The following KLF13 variants were observed in gnomAD, a reference collection of about 807,000 sequenced individuals.
KLF13 encodes Krueppel-like factor 13.
KLF13 carries 8 observed loss-of-function variants against 16.7 expected under a neutral mutation model. The observed-to-expected ratio is 0.48, with a 90% CI of 0.28 to 0.87. The LOEUF (loss-of-function observed/expected upper bound fraction) is 0.87. KLF13 is among the 40% of genes least tolerant of loss of function. The pLI, the probability that KLF13 is intolerant of heterozygous loss-of-function variation, is 0.10. For missense variants in KLF13, 447 were observed against 452.2 expected, an observed-to-expected ratio of 0.99 and a Z score of 0.10; for synonymous variants, 245 against 208.4, an observed-to-expected ratio of 1.18 and a Z score of -1.51.
rs2039591780 is a variant in KLF13, at chr15:31,373,571, T to G, written c.*1272T>G. On this transcript the variant is annotated 3_prime_UTR_variant, in exon 2 of 2. Transcript: ENST00000307145. ...ACTCCTCCTCCCTTTTCCTCCTGCT[T>G]CTCCTTGTCCTGCCTGGAGGCTCCA... The G allele has an allele frequency of 6.6e-6, 1 of 152,258 alleles. No homozygotes were observed. Among genetic ancestry groups the G allele is most frequent in the Non-Finnish European group, 1.5e-5 (1 of 68,102 alleles). 9.4% of individuals were successfully genotyped at this position (152,258 alleles called of 1,614,324 possible). A position where few individuals can be genotyped will look rare whatever the true frequency, so the allele number is the denominator to read the frequency against.
chr15:31,380,679 C>T (rs1022727549), downstream of KLF13, among the ~76,000 whole-genome samples: 1 of 152,194 alleles, frequency 6.6e-6, no homozygotes, highest in African/African-American at 2.4e-5. Context: ...CTAGGCCATG[C>T]TAAAATTCCT....
chr15:31,361,229 C>G lies in KLF13; in HGVS notation c.578-10781C>G, dbSNP rs557031934. 8.7e-4 allele frequency among the ~76,000 whole-genome samples: 133 copies of G among 152,244 alleles called. 1 individual carries two copies. Among genetic ancestry groups the G allele is most frequent in the African/African-American group, 3.1e-3 (130 of 41,538 alleles). ...TGGGTGGGTGCCCCTGCTTGCTCCT[C>G]CTGGAACGTGAACGTGGGCAGCAGT... On this transcript the variant is annotated intron_variant, in intron 1 of 1. Coordinates refer to ENST00000307145, the MANE Select transcript of KLF13 (RefSeq NM_015995.4).
At chr15:31,383,063 C>T (rs1336819766) in intron 1 of KLF13, among the ~76,000 whole-genome samples, 1 of 152,210 alleles carries the variant, frequency 6.6e-6, no homozygotes, top group Non-Finnish European at 1.5e-5. Context: ...ATCAAGATGG[C>T]CTGCATAATC....
chr15:31,418,353 AAGT>A (rs2040281363), intron 1 of KLF13, among the ~76,000 whole-genome samples: 1 of 152,204 alleles, frequency 6.6e-6, no homozygotes, highest in Non-Finnish European at 1.5e-5. Context: ...AATCTAAAGA[AAGT>A]AGAGTGAAAG....
chr15:31,380,206 C>T (rs1327555552), downstream of KLF13, among the ~76,000 whole-genome samples: 1 of 152,090 alleles, frequency 6.6e-6, no homozygotes, highest in Non-Finnish European at 1.5e-5. Context: ...GCAGGAGAAT[C>T]GTTTGAACCC....
At chr15:31,425,960 G>C (rs2040396160) in intron 1 of KLF13, among the ~76,000 whole-genome samples, 1 of 152,142 alleles carries the variant, frequency 6.6e-6, no homozygotes, top group Admixed American at 6.5e-5. Flanking sequence ...TCTTCCACAA[G>C]ATACCCTAAA....
At position 31,339,821 on chromosome 15, in the gene KLF13, C is replaced by A. The variant is rs543782441; in HGVS notation, c.577+12032C>A. 390 of 638,890 alleles carry A rather than the reference C, an allele frequency of 6.1e-4. 1 individual carries two copies. Among genetic ancestry groups the A allele is most frequent in the Non-Finnish European group, 9.2e-4 (320 of 348,896 alleles). 39.6% of individuals were successfully genotyped at this position (638,890 alleles called of 1,614,324 possible). On this transcript the variant is annotated intron_variant, in intron 1 of 1. Coordinates refer to ENST00000307145, the MANE Select transcript of KLF13 (RefSeq NM_015995.4). ...CGCCCAGTGGATGTCCTCCCGCCCC[C>A]CGCCTGCTGTCTCGTGGGAGTGCCC...
At chr15:31,402,171 G>A (rs569558407) in intron 2 of KLF13, among the ~76,000 whole-genome samples, 8 of 152,332 alleles carry the variant, frequency 5.3e-5, no homozygotes, top group South Asian at 2.1e-4. Context: ...TGTGGGGGCC[G>A]GGCATGGGAG....
intron 1 of KLF13, among the ~76,000 whole-genome samples, chr15:31,357,625 G>A (rs571430265): frequency 4.4e-4 from 67 of 152,338 alleles, no homozygotes; most frequent in African/African-American, 1.6e-3. Context: ...TGTTCTGGAG[G>A]CTGCCCTACT....
At chr15:31,377,950 G>C (rs2039676568), downstream of KLF13, 1 of 152,298 alleles carries the variant, frequency 6.6e-6, no homozygotes, top group African/African-American at 2.4e-5. Flanking sequence ...GGCTCCGGGA[G>C]GGGAGGGGAA....
In KLF13 at chr15:31,420,342, CAG is replaced by C. The variant is rs1595511489; in HGVS notation, n.118-15027_118-15026del. On this transcript the variant is annotated intron_variant and non_coding_transcript_variant, in intron 1 of 1. Coordinates refer to the KLF13 transcript ENST00000558225. The stretch of plus-strand genomic sequence containing the variant: ...GGGACCATCCATGGAGCAGCTGGCA[CAG>C]TGTATGAAGACCTGAGGTATAAGCT... 6.6e-6 allele frequency: 7 copies of C among 1,058,754 alleles called. No individual in the cohort carries two copies. The East Asian group carries it at 2.0e-4, about 31-fold the overall frequency. 65.6% of individuals were successfully genotyped at this position (1,058,754 alleles called of 1,614,324 possible).
intron 1 of KLF13, among the ~76,000 whole-genome samples, chr15:31,418,174 T>C (rs192449536): frequency 7.2e-5 from 11 of 152,308 alleles, no homozygotes; most frequent in Admixed American, 2.6e-4. Flanking sequence ...AAGCTCTCCA[T>C]ATACTGTATA....
rs569048417 is a variant in KLF13 at position 31,333,338 on chromosome 15, G to C, written c.577+5549G>C. 2.0e-5 allele frequency among the ~76,000 whole-genome samples: 3 copies of C among 152,350 alleles called. No individual in the cohort carries two copies. In the South Asian group the frequency reaches 6.2e-4, roughly 32 times the overall value. On this transcript the variant is annotated intron_variant, in intron 1 of 1. Transcript: ENST00000307145. The stretch of plus-strand genomic sequence containing the variant: ...AGCCGCCCCCGAGGTGGGTGTACCT[G>C]CTGTGTCCTACTGCCACTCCTGTCT...
intron 1 of KLF13, among the ~76,000 whole-genome samples, chr15:31,370,089 A>G (rs1203970033): frequency 2.2e-5 from 1 of 46,020 alleles, no homozygotes; most frequent in African/African-American, 9.2e-5. Flanking sequence ...AGACTGTTCT[A>G]TTATTTCTTT....
intron 1 of KLF13, among the ~76,000 whole-genome samples, chr15:31,340,538 C>T (rs767493183): frequency 2.6e-5 from 4 of 152,230 alleles, no homozygotes; most frequent in Non-Finnish European, 5.9e-5. Context: ...AACATCACCC[C>T]CTTCAAAGAT....
intron 1 of KLF13, among the ~76,000 whole-genome samples, chr15:31,425,917 G>C (rs571273391): frequency 4.6e-5 from 7 of 152,258 alleles, no homozygotes; most frequent in African/African-American, 1.7e-4. Flanking sequence ...CAGCACCCAA[G>C]TCACCTCTTG....
At chr15:31,405,261 C>T (rs1332286946), downstream of KLF13, among the ~76,000 whole-genome samples, 1 of 152,238 alleles carries the variant, frequency 6.6e-6, no homozygotes, top group East Asian at 1.9e-4. Flanking sequence ...TTGCAGTGAG[C>T]CGAGATCGCA....
intron 1 of KLF13, among the ~76,000 whole-genome samples, chr15:31,350,061 C>T (rs1264644569): frequency 6.6e-6 from 1 of 152,226 alleles, no homozygotes; most frequent in Non-Finnish European, 1.5e-5. Context: ...TGCTTTTCTC[C>T]ATTGAGTGAA....
At chr15:31,327,956 C>G (rs1051313291) in intron 1 of KLF13, among the ~76,000 whole-genome samples, 167 bp downstream of exon 1, 2 of 147,592 alleles carry the variant, frequency 1.4e-5, no homozygotes, top group Admixed American at 6.7e-5. Flanking sequence ...TGGCCCCGCG[C>G]GTCGCGCGAG....
Sources: gnomAD v4.1 joint callset for allele counts (sites outside exome capture counted in the v4.1 genomes callset) on GRCh38, gnomAD v4.1.1 for gene constraint, MANE v1.5 for transcripts, NCBI Gene and HGNC (gene_info 2026-07-23, HGNC 2026-07-21) for gene names.